The following ASMTL variants were observed in gnomAD, a reference collection of about 807,000 sequenced individuals.
ASMTL encodes the protein acetylserotonin O-methyltransferase like.
In ASMTL, 57 loss-of-function variants were observed where a neutral mutation model predicts 60.3. That is an observed-to-expected ratio of 0.95 (90% CI 0.76 to 1.18). The LOEUF (loss-of-function observed/expected upper bound fraction) is 1.18. ASMTL is among the 50% of genes most tolerant of loss of function. The pLI is 0.00. For missense variants in ASMTL, 981 were observed against 852.6 expected (o/e 1.15, Z -1.88); for synonymous variants, 419 against 373.0 (o/e 1.12, Z -1.42).
At chrX:1,423,630 A>G (rs1472752719) in intron 8 of ASMTL, among the ~76,000 whole-genome samples, 1 of 148,134 alleles carries the variant, frequency 6.8e-6, no homozygotes, top group Non-Finnish European at 1.5e-5. Flanking sequence ...CCACCCATTC[A>G]TCACTCATCT....
intron 12 of ASMTL, among the ~76,000 whole-genome samples, chrX:1,407,674 A>G (rs1353180429): frequency 6.6e-6 from 1 of 152,094 alleles, no homozygotes; most frequent in Non-Finnish European, 1.5e-5. Context: ...GTTTGAGCCC[A>G]GGAGTTTGAA....
At chrX:1,442,839 T>A (rs1455362565) in intron 1 of ASMTL, among the ~76,000 whole-genome samples, 1 of 152,104 alleles carries the variant, frequency 6.6e-6, no homozygotes, top group African/African-American at 2.4e-5. Flanking sequence ...AGGCCTGGCC[T>A]AGAGGTAGTG....
intron 11 of ASMTL, among the ~76,000 whole-genome samples, chrX:1,413,474 C>A (rs1362884861): frequency 2.6e-5 from 4 of 152,202 alleles, no homozygotes; most frequent in African/African-American, 9.7e-5. Flanking sequence ...AATGGCAGGG[C>A]CTTCTCTGGT....
intron 9 of ASMTL, 25 bp from the exon 10 acceptor site, chrX:1,419,139 G>A (rs1403089697): frequency 3.7e-6 from 6 of 1,609,092 alleles, no homozygotes; most frequent in Non-Finnish European, 5.1e-6. Flanking sequence ...GTGCTTAGGG[G>A]CACCAGAGAA....
At chrX:1,437,501 C>T (rs1161630996) in intron 3 of ASMTL, among the ~76,000 whole-genome samples, 1 of 151,918 alleles carries the variant, frequency 6.6e-6, no homozygotes, top group Admixed American at 6.6e-5. Context: ...CTCACAGGGT[C>T]GTCCCTCTGT....
At chrX:1,450,543 A>AG (rs1275994884) in intron 1 of ASMTL, among the ~76,000 whole-genome samples, 2 of 124,576 alleles carry the variant, frequency 1.6e-5, no homozygotes, top group African/African-American at 6.4e-5. Context: ...CCCCATCACT[A>AG]GGGCATCCTG....
At chrX:1,432,413 C>G (rs1309955330) in intron 5 of ASMTL, 36 bp from the exon 6 acceptor site, 3 of 1,549,660 alleles carry the variant, frequency 1.9e-6, no homozygotes, top group Admixed American at 1.7e-5. Flanking sequence ...AGCGTGGACG[C>G]CAGCTTGTCA....
intron 1 of ASMTL, among the ~76,000 whole-genome samples, chrX:1,448,412 C>T (rs1285266358): frequency 8.8e-5 from 13 of 148,068 alleles, no homozygotes; most frequent in Admixed American, 2.7e-4. Flanking sequence ...ATCTTGGACA[C>T]GCCACCATCT....
chrX:1,422,592 A>T (rs2090511388), intron 8 of ASMTL, among the ~76,000 whole-genome samples: 1 of 152,042 alleles, frequency 6.6e-6, no homozygotes, highest in Non-Finnish European at 1.5e-5. Flanking sequence ...CTCCCACAGA[A>T]TGGGAGGCTG....
chrX:1,429,804 A>G (rs2149318740), intron 6 of ASMTL, among the ~76,000 whole-genome samples: 1 of 151,596 alleles, frequency 6.6e-6, no homozygotes, highest in South Asian at 2.1e-4. Flanking sequence ...CTCAAAAAAA[A>G]TTTCATGTGT....
At chrX:1,418,149 G>C in intron 10 of ASMTL, 33 bp from the exon 11 acceptor site, 1 of 1,563,218 alleles carries the variant, frequency 6.4e-7, no homozygotes, top group Non-Finnish European at 8.7e-7. Context: ...TCTGTGGCTG[G>C]GTCGTCTATG....
At chrX:1,417,306 G>GAA in intron 11 of ASMTL, among the ~76,000 whole-genome samples, 1 of 149,522 alleles carries the variant, frequency 6.7e-6, no homozygotes, top group Admixed American at 6.7e-5. Context: ...CGGGCACACA[G>GAA]ACGCACATAC....
intron 2 of ASMTL, among the ~76,000 whole-genome samples, chrX:1,439,534 G>A (rs1216973152): frequency 2.6e-5 from 4 of 152,134 alleles, no homozygotes; most frequent in Non-Finnish European, 4.4e-5. Context: ...TTTTTGATCC[G>A]TTCAATGTAA....
chrX:1,453,110 C>A (rs2091437031), upstream of ASMTL, among the ~76,000 whole-genome samples: 1 of 150,614 alleles, frequency 6.6e-6, no homozygotes, highest in Non-Finnish European at 1.5e-5. Context: ...TGTCACGCCC[C>A]ATTGATCTCC....
chrX:1,444,547 C>G (rs1181241589), intron 1 of ASMTL, among the ~76,000 whole-genome samples: 1 of 152,110 alleles, frequency 6.6e-6, no homozygotes, highest in African/African-American at 2.4e-5. Context: ...TAAACTCTTA[C>G]ATTTGGTGCC....
chrX:1,439,504 C>G (rs2091054753), intron 2 of ASMTL, among the ~76,000 whole-genome samples: 1 of 152,116 alleles, frequency 6.6e-6, no homozygotes, highest in African/African-American at 2.4e-5. Flanking sequence ...CCTGAGTTAC[C>G]CAGAATTAAG....
chrX:1,447,317 C>G (rs1380570223), intron 1 of ASMTL, among the ~76,000 whole-genome samples: 1 of 152,258 alleles, frequency 6.6e-6, no homozygotes, highest in Non-Finnish European at 1.5e-5. Flanking sequence ...CTTGGACACA[C>G]ACCGCCATCT....
intron 11 of ASMTL, among the ~76,000 whole-genome samples, chrX:1,415,933 C>T (rs1410552510): frequency 6.6e-6 from 1 of 152,088 alleles, no homozygotes; most frequent in East Asian, 1.9e-4. Context: ...CGCCACAAGA[C>T]ATGCACACAC....
intron 5 of ASMTL, among the ~76,000 whole-genome samples, chrX:1,433,016 T>G (rs2090849308): frequency 1.3e-5 from 2 of 152,102 alleles, no homozygotes; most frequent in Non-Finnish European, 2.9e-5. Context: ...GAGAATCGCT[T>G]GAACCCGGGA....
Sources: gnomAD v4.1 joint callset for allele counts (sites outside exome capture counted in the v4.1 genomes callset) on GRCh38, gnomAD v4.1.1 for gene constraint, MANE v1.5 for transcripts, NCBI Gene and HGNC (gene_info 2026-07-23, HGNC 2026-07-21) for gene names.